Variants in OR52N4 observed in about 807,000 individuals in gnomAD.
The protein encoded by OR52N4 is olfactory receptor family 52 subfamily N member 4.
In OR52N4, 15 loss-of-function variants were observed where a neutral mutation model predicts 15.0. The ratio of observed to expected loss-of-function variants is 1.00; its 90% confidence interval spans 0.67 to 1.54. The LOEUF (loss-of-function observed/expected upper bound fraction) is 1.54. Ranked by LOEUF, OR52N4 falls within the 40% of genes most tolerant of loss-of-function variation. The pLI is 0.00. For synonymous variants in OR52N4, 143 were observed against 143.7 expected (o/e 1.00, Z 0.03); for missense variants, 421 against 394.0 (o/e 1.07, Z -0.58).
the OR52N4 span, among the ~76,000 whole-genome samples, chr11:5,747,019 A>T: frequency 8.0e-6 from 1 of 124,264 alleles, no homozygotes; most frequent in East Asian, 2.9e-4. Context: ...ATCACTTGAA[A>T]CCAGGAGTTG....
chr11:5,753,477 G>A (rs1409564746), upstream of OR52N4, among the ~76,000 whole-genome samples: 4 of 151,972 alleles, frequency 2.6e-5, no homozygotes, highest in Non-Finnish European at 5.9e-5. Context: ...TCTTACTGAT[G>A]TTGTTGAAGT....
the OR52N4 span, among the ~76,000 whole-genome samples, chr11:5,733,243 C>T: frequency 6.6e-6 from 1 of 152,082 alleles, no homozygotes; most frequent in African/African-American, 2.4e-5. Context: ...TCAACAGCAC[C>T]ATCTCACATC....
the OR52N4 span, chr11:5,738,087 G>A: frequency 0.096 from 14,721 of 152,856 alleles, 748 homozygotes; most frequent in Middle Eastern, 0.16. Context: ...TGGTGCTTAC[G>A]CCGTTTGCCT....
chr11:5,734,044 T>C, the OR52N4 span: 1 of 394,348 alleles, frequency 2.5e-6, no homozygotes, highest in Non-Finnish European at 5.0e-6. Flanking sequence ...AGATCTATTA[T>C]GCTTAGGTCA....
chr11:5,751,063 T>C (rs117432005), upstream of OR52N4, among the ~76,000 whole-genome samples: 5,870 of 152,082 alleles, frequency 0.039, 145 homozygotes, highest in Non-Finnish European at 0.06. Context: ...TTTGGTACAA[T>C]TACCTTTAAT....
chr11:5,736,287 C>A, the OR52N4 span: 1 of 521,596 alleles, frequency 1.9e-6, no homozygotes, highest in Non-Finnish European at 3.4e-6. Context: ...ATTTCATCTC[C>A]CATAATTCTT....
chr11:5,729,113 G>GCTTT, the OR52N4 span, among the ~76,000 whole-genome samples: 1 of 50,268 alleles, frequency 2.0e-5, no homozygotes, highest in African/African-American at 8.9e-5. Flanking sequence ...CTTAAATTGA[G>GCTTT]ATTTTTTTTT....
upstream of OR52N4, among the ~76,000 whole-genome samples, chr11:5,750,374 A>T (rs949687630): frequency 6.6e-6 from 1 of 151,976 alleles, no homozygotes; most frequent in Admixed American, 6.6e-5. Flanking sequence ...AGCATTTTCC[A>T]TTACTTGAAA....
At chr11:5,731,441 G>A in the OR52N4 span, among the ~76,000 whole-genome samples, 1 of 152,134 alleles carries the variant, frequency 6.6e-6, no homozygotes, top group Non-Finnish European at 1.5e-5. Context: ...GGGTTTTCTG[G>A]CACCTCCAGA....
At chr11:5,739,510 T>C in the OR52N4 span, among the ~76,000 whole-genome samples, 2 of 111,196 alleles carry the variant, frequency 1.8e-5, 1 homozygote, top group African/African-American at 6.7e-5. Context: ...TGCAGTGAGC[T>C]GTGATCACAC....
chr11:5,745,056 A>G, the OR52N4 span, among the ~76,000 whole-genome samples: 1 of 127,914 alleles, frequency 7.8e-6, no homozygotes, highest in Non-Finnish European at 1.8e-5. Flanking sequence ...AAAAAATAGT[A>G]AAAGCCATAT....
chr11:5,732,272 A>C, the OR52N4 span, among the ~76,000 whole-genome samples: 1 of 152,162 alleles, frequency 6.6e-6, no homozygotes, highest in Non-Finnish European at 1.5e-5. Context: ...CCCAACTTCC[A>C]ACTCTAAACT....
the OR52N4 span, chr11:5,726,501 C>A: frequency 6.6e-6 from 1 of 150,610 alleles, no homozygotes; most frequent in Non-Finnish European, 1.5e-5. Flanking sequence ...TTGGCCACAA[C>A]ATGGAATCTC....
At chr11:5,748,976 A>C in the OR52N4 span, among the ~76,000 whole-genome samples, 8 of 151,972 alleles carry the variant, frequency 5.3e-5, no homozygotes, top group Non-Finnish European at 8.8e-5. Flanking sequence ...CTTCCCATAG[A>C]GGTTATCTTG....
chr11:5,754,856 T>C lies in OR52N4; in HGVS notation c.116T>C (p.Val39Ala), dbSNP rs1854264138. 37 of 1,613,864 alleles carry C rather than the reference T, an allele frequency of 2.3e-5. No individual in the cohort carries two copies. Among genetic ancestry groups the C allele is most frequent in the Non-Finnish European group, 3.1e-5 (37 of 1,179,808 alleles). The change falls in exon 2 of 2, where the codon GTG becomes GCG. Residue 39 changes from valine (V) to alanine (A), a missense_variant. By Grantham distance (64) the Val-to-Ala change is moderately conservative. Transcript: ENST00000641350. ...ISFPFCSMYV[V>A]AMVGNCGLLY... ...TTCCCATTCTGCTCTATGTATGTTGTGGCTATGGTAGGGAATTGTGGACTC... is the reference window on the plus strand; with the variant it reads ...TTCCCATTCTGCTCTATGTATGTTGCGGCTATGGTAGGGAATTGTGGACTC...
the OR52N4 span, among the ~76,000 whole-genome samples, chr11:5,746,310 A>G: frequency 6.6e-6 from 1 of 152,340 alleles, no homozygotes; most frequent in Non-Finnish European, 1.5e-5. Flanking sequence ...AGGCATAATT[A>G]AACTAAAAAG....
chr11:5,730,697 T>C, the OR52N4 span, among the ~76,000 whole-genome samples: 1 of 151,446 alleles, frequency 6.6e-6, no homozygotes, highest in Non-Finnish European at 1.5e-5. Flanking sequence ...CATCTTTGGC[T>C]AACTTCTCAC....
the OR52N4 span, among the ~76,000 whole-genome samples, chr11:5,738,840 C>T: frequency 6.8e-6 from 1 of 148,110 alleles, no homozygotes; most frequent in Admixed American, 6.7e-5. Context: ...GTATTTCAAT[C>T]TTTTCCAGGC....
chr11:5,745,489 T>C, the OR52N4 span, among the ~76,000 whole-genome samples: 15 of 152,166 alleles, frequency 9.9e-5, no homozygotes, highest in East Asian at 2.9e-3. Context: ...TACATGTAAC[T>C]ATGCTGGTGA....
Sources: allele counts gnomAD v4.1 joint callset (sites outside exome capture counted in the v4.1 genomes callset), GRCh38; gene constraint gnomAD v4.1.1; transcripts MANE v1.5; gene names NCBI Gene and HGNC (gene_info 2026-07-23, HGNC 2026-07-21).